MACROD2: variants seen among roughly 807,000 people sequenced by gnomAD.
The protein encoded by MACROD2 is ADP-ribose glycohydrolase MACROD2.
A neutral mutation model predicts 70.4 loss-of-function variants in MACROD2; 36 were observed. The observed-to-expected ratio is 0.51, with a 90% CI of 0.39 to 0.68. MACROD2 has a LOEUF of 0.68. MACROD2 is among the 30% of genes least tolerant of loss of function. The pLI, the probability that MACROD2 is intolerant of heterozygous loss-of-function variation, is 0.00. For missense variants in MACROD2, 496 were observed against 538.4 expected, an observed-to-expected ratio of 0.92 and a Z score of 0.78; for synonymous variants, 172 against 178.8, an observed-to-expected ratio of 0.96 and a Z score of 0.30.
chr20:14,787,619 G>A (rs899882707), intron 5 of MACROD2, among the ~76,000 whole-genome samples: 1 of 152,110 alleles, frequency 6.6e-6, no homozygotes, highest in Non-Finnish European at 1.5e-5. Context: ...GAAGCTGTCT[G>A]TAGAGTAAGT....
At chr20:15,055,987 A>G (rs1290128329) in intron 5 of MACROD2, among the ~76,000 whole-genome samples, 2 of 152,108 alleles carry the variant, frequency 1.3e-5, no homozygotes, top group East Asian at 3.9e-4. Context: ...AGGTTTCACC[A>G]TGTTGGCCAG....
intron 2 of MACROD2, among the ~76,000 whole-genome samples, chr20:14,071,655 T>A (rs2053844609): frequency 6.6e-6 from 1 of 152,212 alleles, no homozygotes; most frequent in Admixed American, 6.5e-5. Flanking sequence ...TTAAATTTGC[T>A]TTTCTTGTTC....
chr20:14,704,590 A>G (rs1221569864), intron 5 of MACROD2, among the ~76,000 whole-genome samples: 1 of 152,146 alleles, frequency 6.6e-6, no homozygotes, highest in East Asian at 1.9e-4. Context: ...ATATCCACCT[A>G]TTCAAATCCT....
At chr20:14,798,422 T>G (rs1568801920) in intron 5 of MACROD2, among the ~76,000 whole-genome samples, 1 of 152,116 alleles carries the variant, frequency 6.6e-6, no homozygotes, top group Non-Finnish European at 1.5e-5. Context: ...TCATTGCTTT[T>G]CTATTTGTAG....
At chr20:15,266,835 T>C (rs1438563881) in intron 6 of MACROD2, among the ~76,000 whole-genome samples, 1 of 152,198 alleles carries the variant, frequency 6.6e-6, no homozygotes, top group Admixed American at 6.5e-5. Flanking sequence ...GAACTACTCA[T>C]GGTTACCTAA....
chr20:15,527,671 C>T (rs1321046490), intron 8 of MACROD2, among the ~76,000 whole-genome samples: 1 of 152,194 alleles, frequency 6.6e-6, no homozygotes, highest in Non-Finnish European at 1.5e-5. Context: ...AGGTCCACTA[C>T]TGGCCTCTGC....
rs75148673 is a variant in MACROD2, at chr20:14,183,643, G to A, written c.271+97915G>A. ...AGTAATTAATACTCCCATCCTGGAC[G>A]TATAAATTATACAGTGTATAAGCAT... On this transcript the variant is annotated intron_variant, in intron 3 of 17. Transcript: ENST00000684519. Among the ~76,000 whole-genome samples, 125 of 152,050 alleles carry A rather than the reference G, an allele frequency of 8.2e-4. 1 individual carries two copies. In the East Asian group the frequency reaches 0.018, roughly 21 times the overall value.
intron 4 of MACROD2, among the ~76,000 whole-genome samples, chr20:14,559,263 A>G (rs926710271): frequency 6.6e-6 from 1 of 151,794 alleles, no homozygotes; most frequent in Non-Finnish European, 1.5e-5. Context: ...TACACTTTTT[A>G]AGGGATGTAT....
At chr20:14,330,462 A>T (rs75484167) in intron 3 of MACROD2, among the ~76,000 whole-genome samples, 2,285 of 152,166 alleles carry the variant, frequency 0.015, 23 homozygotes, top group African/African-American at 0.027. Context: ...CAAGTATAGC[A>T]TCTGTTCCAT....
At chr20:15,052,275 A>G (rs1004395991) in intron 5 of MACROD2, among the ~76,000 whole-genome samples, 14 of 152,094 alleles carry the variant, frequency 9.2e-5, no homozygotes, top group African/African-American at 3.1e-4. Flanking sequence ...GCCTAGTGTG[A>G]TGGGTGGCAT....
chr20:15,300,381 G>C (rs1600216517), intron 6 of MACROD2, among the ~76,000 whole-genome samples: 1 of 152,268 alleles, frequency 6.6e-6, no homozygotes, highest in Non-Finnish European at 1.5e-5. Context: ...TAGGTTCAGA[G>C]TGTGGCCTGG....
intron 3 of MACROD2, among the ~76,000 whole-genome samples, chr20:14,260,543 T>A (rs940877832): frequency 2.0e-5 from 3 of 152,220 alleles, no homozygotes; most frequent in Non-Finnish European, 4.4e-5. Flanking sequence ...CCTCAAGGGA[T>A]CCTCCCACCT....
At chr20:15,591,586 T>TAAAAAAAAAAAAAA (rs11471295) in intron 8 of MACROD2, among the ~76,000 whole-genome samples, 1 of 65,112 alleles carries the variant, frequency 1.5e-5, no homozygotes, top group Non-Finnish European at 2.6e-5. Flanking sequence ...AAGCCAGTAC[T>TAAAAAAAAAAAAAA]AAAAAAAAAA....
intron 3 of MACROD2, among the ~76,000 whole-genome samples, chr20:14,430,695 A>G (rs914840080): frequency 3.9e-5 from 6 of 152,236 alleles, no homozygotes; most frequent in African/African-American, 1.4e-4. Flanking sequence ...GGTCAGGCCT[A>G]TAGTGTGTCC....
chr20:15,415,680 G>C (rs1287392656), intron 6 of MACROD2, among the ~76,000 whole-genome samples: 1 of 152,160 alleles, frequency 6.6e-6, no homozygotes, highest in African/African-American at 2.4e-5. Flanking sequence ...TCAAAGTCTA[G>C]CAGAACTAGT....
intron 6 of MACROD2, among the ~76,000 whole-genome samples, chr20:15,418,166 C>G (rs879181583): frequency 1.3e-5 from 2 of 152,286 alleles, no homozygotes; most frequent in East Asian, 3.9e-4. Context: ...TTCTGTCAGT[C>G]TTACTTGGTT....
intron 7 of MACROD2, among the ~76,000 whole-genome samples, chr20:15,469,026 A>G (rs1333451088): frequency 6.6e-6 from 1 of 152,220 alleles, no homozygotes; most frequent in African/African-American, 2.4e-5. Context: ...TCACTAGAAT[A>G]TAGAAGATAT....
intron 8 of MACROD2, among the ~76,000 whole-genome samples, chr20:15,584,866 C>T (rs2048575615): frequency 6.6e-6 from 1 of 152,214 alleles, no homozygotes; most frequent in Non-Finnish European, 1.5e-5. Flanking sequence ...TGTCCCATCT[C>T]CCCCCTGACC....
At chr20:15,819,620 A>G (rs1195156176) in intron 8 of MACROD2, among the ~76,000 whole-genome samples, 1 of 151,524 alleles carries the variant, frequency 6.6e-6, no homozygotes, top group Non-Finnish European at 1.5e-5. Context: ...ATTTACCACA[A>G]AATAGATGGG....
Sources: gnomAD v4.1 joint callset for allele counts (sites outside exome capture counted in the v4.1 genomes callset) on GRCh38, gnomAD v4.1.1 for gene constraint, MANE v1.5 for transcripts, NCBI Gene and HGNC (gene_info 2026-07-23, HGNC 2026-07-21) for gene names.